The following HECW1 variants were observed in gnomAD, a reference collection of about 807,000 sequenced individuals.
HECW1 encodes E3 ubiquitin-protein ligase HECW1.
Under a neutral mutation model 182.3 loss-of-function variants are expected in HECW1, and 61 were observed. That is an observed-to-expected ratio of 0.33 (90% CI 0.27 to 0.41). HECW1 has a LOEUF of 0.41. Among genes scored for constraint, HECW1 ranks in the 10% least tolerant of loss-of-function variants. HECW1 has a pLI of 1.00. For synonymous variants in HECW1, 859 were observed against 832.6 expected (o/e 1.03, Z -0.55); for missense variants, 1,739 against 2,108.9 (o/e 0.82, Z 3.44).
intron 2 of HECW1, among the ~76,000 whole-genome samples, chr7:43,124,518 G>C (rs2152609396): frequency 6.6e-6 from 1 of 152,288 alleles, no homozygotes; most frequent in Admixed American, 6.5e-5. Context: ...CACGTTGTGA[G>C]CACACATCTC....
chr7:43,157,557 A>G (rs531931224), intron 2 of HECW1, among the ~76,000 whole-genome samples: 132 of 152,260 alleles, frequency 8.7e-4, no homozygotes, highest in African/African-American at 2.8e-3. Context: ...TAAAATTGAT[A>G]TATTCTTTTC....
Position 43,235,190 on chromosome 7 carries a change from A to G in HECW1, c.-31-8685A>G, listed in dbSNP as rs1161787349. On this transcript the variant is annotated intron_variant, in intron 2 of 29. Coordinates refer to ENST00000395891, the MANE Select transcript of HECW1 (RefSeq NM_015052.5). Reference sequence around the variant, plus strand: ...GCTCTGTCCCTGGGGACCCTGCAGGAAGAAGTGGAGTTCCCCGGCCCCCAC... The same window carrying G: ...GCTCTGTCCCTGGGGACCCTGCAGGGAGAAGTGGAGTTCCCCGGCCCCCAC... Among the ~76,000 whole-genome samples, 6 of 152,194 alleles carry G rather than the reference A, an allele frequency of 3.9e-5. No homozygotes were observed. The East Asian group carries it at 1.2e-3, about 29-fold the overall frequency.
Position 43,509,132 on chromosome 7 carries a change from T to C in HECW1, c.4019+11T>C. 1 of 1,608,374 alleles carries C rather than the reference T, an allele frequency of 6.2e-7. No individual in the cohort carries two copies. Among genetic ancestry groups the C allele is most frequent in the South Asian group, 1.1e-5 (1 of 89,484 alleles). ...AAACCATCTTGAGTGGTAAGCTCTA[T>C]AATGTTCACTTTCTTGTATTTGAAA... On this transcript the variant is annotated intron_variant, in intron 24 of 29. Coordinates refer to ENST00000395891, the MANE Select transcript of HECW1 (RefSeq NM_015052.5).
At position 43,350,243 on chromosome 7, in the gene HECW1, G is replaced by T. The variant is rs185222758; in HGVS notation, c.461-10643G>T. On this transcript the variant is annotated intron_variant, in intron 5 of 29. Coordinates refer to ENST00000395891, the MANE Select transcript of HECW1 (RefSeq NM_015052.5). ...CTGCTGAGAAATCTGCTGTCAATCT[G>T]ATACGTTTTCCTTTATAGTTTACCT... is the stretch of plus-strand genomic sequence containing the variant. Among the ~76,000 whole-genome samples, 299 of 152,276 alleles carry T rather than the reference G, an allele frequency of 2.0e-3. 1 individual carries two copies. The highest frequency in any genetic ancestry group is 6.9e-3 in the African/African-American group (287 of 41,552).
At chr7:43,556,064 A>G (rs753292234) in intron 29 of HECW1, among the ~76,000 whole-genome samples, 1 of 152,200 alleles carries the variant, frequency 6.6e-6, no homozygotes, top group Non-Finnish European at 1.5e-5. Context: ...TAGGGAGAAC[A>G]CGGCCTGATA....
chr7:43,412,478 G>C (rs962594891), intron 8 of HECW1, among the ~76,000 whole-genome samples: 1 of 146,850 alleles, frequency 6.8e-6, no homozygotes, highest in African/African-American at 2.5e-5. Flanking sequence ...TATACTTTAA[G>C]TTTTAGGGTA....
chr7:43,247,783 A>G (rs1345642023), intron 3 of HECW1, among the ~76,000 whole-genome samples: 4 of 129,306 alleles, frequency 3.1e-5, no homozygotes, highest in African/African-American at 1.1e-4. Context: ...AAGAGAGAGA[A>G]AAAAAGAAAA....
intron 2 of HECW1, among the ~76,000 whole-genome samples, chr7:43,178,464 G>A (rs1792479155): frequency 6.6e-6 from 1 of 152,174 alleles, no homozygotes; most frequent in African/African-American, 2.4e-5. Flanking sequence ...GATTAAATAA[G>A]CCACCACTTG....
At chr7:43,434,406 G>A (rs2076646596) in intron 8 of HECW1, among the ~76,000 whole-genome samples, 1 of 152,230 alleles carries the variant, frequency 6.6e-6, no homozygotes, top group South Asian at 2.1e-4. Context: ...TGAAGATGCT[G>A]AGGTTTGGAG....
At chr7:43,385,929 C>T (rs2074775011) in intron 6 of HECW1, among the ~76,000 whole-genome samples, 1 of 152,236 alleles carries the variant, frequency 6.6e-6, no homozygotes, top group Non-Finnish European at 1.5e-5. Flanking sequence ...TCAATGTCAG[C>T]CAGGCTGAGT....
At position 43,444,379 on chromosome 7, in the gene HECW1, G is replaced by A. The variant is rs1032194580; in HGVS notation, c.1207G>A (p.Asp403Asn). Reference protein sequence around the residue: ...PEQLGEGSVPDGPGNQSIELS... With the variant: ...PEQLGEGSVPNGPGNQSIELS... ...GCAGCTGGGTGAGGGCAGTGTCCCC[G>A]ATGGTCCAGGGAACCAAAGCATAGA... The change falls in exon 11 of 30, where the codon GAT (aspartate) becomes AAT (asparagine). Residue 403 changes from aspartate (D) to asparagine (N), a missense_variant. By Grantham distance (23) the Asp-to-Asn change is conservative. Coordinates refer to ENST00000395891, the MANE Select transcript of HECW1 (RefSeq NM_015052.5). This position sits in a 1 kb window ranked among gnomAD's most constrained non-coding sequence, Gnocchi z 4.3. 24 of 1,613,982 alleles carry A rather than the reference G, an allele frequency of 1.5e-5. No individual in the cohort carries two copies. The highest frequency in any genetic ancestry group is 2.7e-5 in the African/African-American group (2 of 74,924).
intron 3 of HECW1, among the ~76,000 whole-genome samples, chr7:43,263,605 C>T (rs1483807893): frequency 2.0e-5 from 3 of 152,052 alleles, no homozygotes; most frequent in African/African-American, 7.3e-5. Flanking sequence ...GTGATCCGCC[C>T]GCCTCAGCCT....
At chr7:43,522,778 A>G (rs1185946438) in intron 24 of HECW1, among the ~76,000 whole-genome samples, 1 of 152,238 alleles carries the variant, frequency 6.6e-6, no homozygotes, top group African/African-American at 2.4e-5. Context: ...TCAGCCCACA[A>G]GAATGTGCAC....
chr7:43,273,715 T>C (rs1440998966), intron 3 of HECW1, among the ~76,000 whole-genome samples: 1 of 152,122 alleles, frequency 6.6e-6, no homozygotes, highest in African/African-American at 2.4e-5. Context: ...TTTGACAATA[T>C]AAAATGTTGA....
chr7:43,419,776 C>T (rs981778772), intron 8 of HECW1, among the ~76,000 whole-genome samples: 1 of 152,202 alleles, frequency 6.6e-6, no homozygotes. Context: ...TTAATTTCCC[C>T]AGCAAGGCTG....
intron 3 of HECW1, among the ~76,000 whole-genome samples, chr7:43,284,076 G>A (rs1804281563): frequency 6.6e-6 from 1 of 152,144 alleles, no homozygotes; most frequent in Non-Finnish European, 1.5e-5. Flanking sequence ...GGGCTCTCCT[G>A]TGTTTGAGAT....
chr7:43,301,869 T>A, intron 3 of HECW1, among the ~76,000 whole-genome samples: 1 of 127,150 alleles, frequency 7.9e-6, no homozygotes. Flanking sequence ...GAGTGGAAAC[T>A]CTGTCAAAAA....
At chr7:43,466,347 T>C in intron 14 of HECW1, 100 bp from the exon 15 acceptor site, 1 of 1,204,776 alleles carries the variant, frequency 8.3e-7, no homozygotes, top group East Asian at 2.3e-5. Context: ...GTCTGCTGTG[T>C]GGGTGAAGGC....
chr7:43,412,425 T>TTTTATTTA (rs200549707), intron 8 of HECW1, among the ~76,000 whole-genome samples: 4,124 of 147,062 alleles, frequency 0.028, 95 homozygotes, highest in East Asian at 0.1. Context: ...TTTTCATTTC[T>TTTTATTTA]TTTATTTATT....
Sources: allele counts gnomAD v4.1 joint callset (sites outside exome capture counted in the v4.1 genomes callset), GRCh38; gene constraint gnomAD v4.1.1; non-coding constraint Gnocchi (gnomAD v3.1); transcripts MANE v1.5; gene names NCBI Gene and HGNC (gene_info 2026-07-23, HGNC 2026-07-21).